Variants in GREB1L observed in about 807,000 individuals in gnomAD.
The protein encoded by GREB1L is GREB1-like protein.
In GREB1L, 17 loss-of-function variants were observed where a neutral mutation model predicts 200.8. The observed-to-expected ratio is 0.08, with a 90% CI of 0.06 to 0.13. The LOEUF (loss-of-function observed/expected upper bound fraction) is 0.13, where lower values mean the gene tolerates loss of function less well. Among genes scored for constraint, GREB1L ranks in the 10% least tolerant of loss-of-function variants. The probability of loss-of-function intolerance (pLI) is 1.00; values close to 1 mark genes in which losing one functional copy is unlikely to be tolerated. For missense variants in GREB1L, 1,657 were observed against 2,367.7 expected (o/e 0.70, Z 6.23); for synonymous variants, 789 against 893.0 (o/e 0.88, Z 2.08).
At chr18:21,404,228 C>T (rs1486422444) in intron 7 of GREB1L, among the ~76,000 whole-genome samples, 1 of 152,128 alleles carries the variant, frequency 6.6e-6, no homozygotes, top group Non-Finnish European at 1.5e-5. Context: ...AGCCTAGGAC[C>T]TCATTCTAGG....
At chr18:21,369,276 C>T (rs151194787) in intron 2 of GREB1L, among the ~76,000 whole-genome samples, 2 of 152,240 alleles carry the variant, frequency 1.3e-5, no homozygotes, top group Non-Finnish European at 2.9e-5. Flanking sequence ...ACTTTGGAAG[C>T]ATTTCTGGTT....
At chr18:21,337,689 T>A (rs2039206198) in intron 1 of GREB1L, among the ~76,000 whole-genome samples, 1 of 152,148 alleles carries the variant, frequency 6.6e-6, no homozygotes, top group Non-Finnish European at 1.5e-5. Context: ...GAGGTCTTTT[T>A]AAAAATTCTT....
chr18:21,264,704 G>A (rs992873310), intron 1 of GREB1L, among the ~76,000 whole-genome samples: 24 of 11,026 alleles, frequency 2.2e-3, no homozygotes, highest in African/African-American at 8.9e-3. Context: ...CCCGCCCCAC[G>A]CCCCCCAACC....
chr18:21,400,966 C>G (rs1011721804), intron 5 of GREB1L, among the ~76,000 whole-genome samples, 184 bp from the exon 6 acceptor site: 1 of 152,140 alleles, frequency 6.6e-6, no homozygotes, highest in Non-Finnish European at 1.5e-5. Flanking sequence ...TATTTCCAGT[C>G]TTTCACTGTT....
intron 1 of GREB1L, among the ~76,000 whole-genome samples, chr18:21,251,563 A>T (rs1220352519): frequency 2.0e-5 from 3 of 152,264 alleles, no homozygotes; most frequent in African/African-American, 7.2e-5. Context: ...AACACAATTT[A>T]AAAACATTTT....
rs763543596 is a variant in GREB1L, at chr18:21,520,626, T to G, written c.5473-62T>G. ...AAAGGAAGGTACTGAGTCATTCTGCTGAACTGCAGATATTTTGCTTGCTCT... is the reference window on the plus strand; with the variant it reads ...AAAGGAAGGTACTGAGTCATTCTGCGGAACTGCAGATATTTTGCTTGCTCT... On this transcript the variant is annotated intron_variant, in intron 31 of 32. Coordinates refer to ENST00000424526, the MANE Select transcript of GREB1L (RefSeq NM_001142966.3). 777 of 1,518,556 alleles carry G rather than the reference T, an allele frequency of 5.1e-4. 1 individual carries two copies. The highest frequency in any genetic ancestry group is 6.5e-4 in the Non-Finnish European group (721 of 1,117,116). The allele number at this position is 1,518,556 out of a possible 1,614,324, so 94.1% of individuals were successfully genotyped here.
Position 21,508,601 on chromosome 18 carries a change from C to T in GREB1L, c.4735+10C>T, listed in dbSNP as rs1250730694. On this transcript the variant is annotated intron_variant, in intron 27 of 32. Transcript: ENST00000424526. ...AATAATGCAGGCGTGGGTAAGGGGC[C>T]CCCCTGGGATGGGGAGAAGGGCTTC... 1 of 1,550,986 alleles carries T rather than the reference C, an allele frequency of 6.4e-7. No homozygotes were observed. The highest frequency in any genetic ancestry group is 1.4e-5 in the African/African-American group (1 of 72,944).
chr18:21,299,924 A>G (rs1033678981), intron 1 of GREB1L, among the ~76,000 whole-genome samples: 1 of 152,214 alleles, frequency 6.6e-6, no homozygotes, highest in Admixed American at 6.5e-5. Context: ...TATTACATAT[A>G]GAATACCAGC....
intron 1 of GREB1L, among the ~76,000 whole-genome samples, chr18:21,251,452 G>A (rs183903668): frequency 5.9e-5 from 9 of 152,128 alleles, no homozygotes; most frequent in African/African-American, 1.9e-4. Flanking sequence ...ATAATCTATA[G>A]CATCTGTATT....
intron 7 of GREB1L, among the ~76,000 whole-genome samples, chr18:21,409,913 T>G (rs1242265346): frequency 6.6e-6 from 1 of 152,186 alleles, no homozygotes; most frequent in Non-Finnish European, 1.5e-5. Flanking sequence ...TTGCAAACCA[T>G]GTATATTCTC....
chr18:21,471,818 A>G (rs1056686985), intron 15 of GREB1L, among the ~76,000 whole-genome samples: 5 of 151,938 alleles, frequency 3.3e-5, no homozygotes, highest in African/African-American at 1.2e-4. Flanking sequence ...ATAAGGTCTC[A>G]CTATGTTGCC....
intron 18 of GREB1L, 90 bp downstream of exon 18, chr18:21,485,843 G>T (rs2086248400): frequency 7.9e-7 from 1 of 1,261,524 alleles, no homozygotes; most frequent in Non-Finnish European, 1.1e-6. Context: ...GTGCTACGGG[G>T]TGTTTGATGG....
chr18:21,340,784 C>G (rs2039258775), intron 1 of GREB1L, among the ~76,000 whole-genome samples: 1 of 152,084 alleles, frequency 6.6e-6, no homozygotes, highest in Non-Finnish European at 1.5e-5. Flanking sequence ...ACCTCATGAT[C>G]CACCCGCCTG....
intron 4 of GREB1L, among the ~76,000 whole-genome samples, chr18:21,384,762 C>T (rs2040466571): frequency 1.3e-5 from 2 of 151,010 alleles, no homozygotes; most frequent in African/African-American, 2.4e-5. Flanking sequence ...TTTAGTATTC[C>T]CTCTTCGTAC....
chr18:21,395,377 G>T lies in GREB1L; in HGVS notation c.356-8G>T. 1.3e-6 allele frequency: 2 copies of T among 1,543,956 alleles called. No individual in the cohort carries two copies. Among genetic ancestry groups the T allele is most frequent in the South Asian group, 1.2e-5 (1 of 82,826 alleles). Reference sequence around the variant, plus strand: ...TCACTGTGTCCTTTTTTTTAAACTGGTTTTTAGGTTTTTGTCAAGCAGGAA... The same window carrying T: ...TCACTGTGTCCTTTTTTTTAAACTGTTTTTTAGGTTTTTGTCAAGCAGGAA... On this transcript the variant is annotated splice_region_variant and splice_polypyrimidine_tract_variant and intron_variant, in intron 4 of 32. Transcript: ENST00000424526.
At position 21,505,642 on chromosome 18, in the gene GREB1L, T is replaced by C; in HGVS notation, c.4228+75T>C. 5 of 1,490,614 alleles carry C rather than the reference T, an allele frequency of 3.4e-6. No homozygotes were observed. In the East Asian group the frequency reaches 1.2e-4, roughly 37 times the overall value. 92.3% of individuals were successfully genotyped at this position (1,490,614 alleles called of 1,614,324 possible). A position where few individuals can be genotyped will look rare whatever the true frequency, so the allele number is the denominator to read the frequency against. ...AGCTCAGGGTGCCTTACATCTCACT[T>C]TTCTTTCGCTCTTATGCGCATCATT... On this transcript the variant is annotated intron_variant, in intron 24 of 32. Coordinates refer to ENST00000424526, the MANE Select transcript of GREB1L (RefSeq NM_001142966.3).
At chr18:21,312,374 T>G (rs1380194052) in intron 1 of GREB1L, among the ~76,000 whole-genome samples, 2 of 152,186 alleles carry the variant, frequency 1.3e-5, no homozygotes, top group Non-Finnish European at 2.9e-5. Flanking sequence ...ATGGCAGTTC[T>G]GTTTTTAGCT....
At position 21,525,026 on chromosome 18, in the gene GREB1L, A is replaced by ATATC. The variant is rs1568085597; in HGVS notation, c.*2206_*2207insATCT. ...ATGATTTGTGTGTATATATATATAT[A>ATATC]TCCTAGTGTGTTCAGCTTTAAGCTT... On this transcript the variant is annotated 3_prime_UTR_variant, in exon 33 of 33. Transcript: ENST00000424526. 8 of 151,176 alleles carry ATATC rather than the reference A, an allele frequency of 5.3e-5. No individual in the cohort carries two copies. The highest frequency in any genetic ancestry group is 3.9e-4 in the East Asian group (2 of 5,178). 9.4% of individuals were successfully genotyped at this position (151,176 alleles called of 1,614,324 possible). A position where few individuals can be genotyped will look rare whatever the true frequency, so the allele number is the denominator to read the frequency against.
intron 2 of GREB1L, among the ~76,000 whole-genome samples, chr18:21,366,759 A>C (rs1239864879): frequency 2.6e-5 from 4 of 151,954 alleles, no homozygotes; most frequent in African/African-American, 9.7e-5. Flanking sequence ...AATGTGCTTA[A>C]ATAGCCTGGC....
Sources: gnomAD v4.1 joint callset for allele counts (sites outside exome capture counted in the v4.1 genomes callset) on GRCh38, gnomAD v4.1.1 for gene constraint, MANE v1.5 for transcripts, NCBI Gene and HGNC (gene_info 2026-07-23, HGNC 2026-07-21) for gene names.